The following TAS2R1 variants were observed in gnomAD, a reference collection of about 807,000 sequenced individuals.
TAS2R1 encodes the protein taste receptor type 2 member 1.
For synonymous variants in TAS2R1, 141 were observed against 134.2 expected, an observed-to-expected ratio of 1.05 and a Z score of -0.35; for missense variants, 370 against 353.4, an observed-to-expected ratio of 1.05 and a Z score of -0.38.
At chr5:9,701,221 GACACAC>G (rs34248017) in intron 1 of TAS2R1, among the ~76,000 whole-genome samples, 10,486 of 135,680 alleles carry the variant, frequency 0.077, 325 homozygotes, top group South Asian at 0.093. Flanking sequence ...CAGACACGCA[GACACAC>G]ACACACACAC....
At chr5:9,728,245 A>G in the TAS2R1 span, among the ~76,000 whole-genome samples, 1 of 152,268 alleles carries the variant, frequency 6.6e-6, no homozygotes, top group Non-Finnish European at 1.5e-5. Context: ...ACTTATCTAC[A>G]TTATCTACAA....
the TAS2R1 span, among the ~76,000 whole-genome samples, chr5:9,785,430 T>C: frequency 6.6e-6 from 1 of 152,266 alleles, no homozygotes; most frequent in Admixed American, 6.5e-5. Flanking sequence ...GATTGTATTA[T>C]GTATTCTGCA....
At chr5:9,722,707 C>A in the TAS2R1 span, among the ~76,000 whole-genome samples, 1 of 152,242 alleles carries the variant, frequency 6.6e-6, no homozygotes, top group Non-Finnish European at 1.5e-5. Context: ...ATCCCTCACA[C>A]AGCCATCTCA....
the TAS2R1 span, among the ~76,000 whole-genome samples, chr5:9,859,206 TA>T: frequency 6.6e-6 from 1 of 152,220 alleles, no homozygotes; most frequent in Non-Finnish European, 1.5e-5. Flanking sequence ...CCCCAAAATA[TA>T]CCTCCAATAT....
intron 1 of TAS2R1, among the ~76,000 whole-genome samples, chr5:9,692,529 G>A (rs200401260): frequency 6.6e-6 from 1 of 152,256 alleles, no homozygotes; most frequent in Admixed American, 6.5e-5. Flanking sequence ...CTGTTAAGAT[G>A]TTCATCCCAA....
chr5:9,867,632 T>C, the TAS2R1 span, among the ~76,000 whole-genome samples: 2 of 152,246 alleles, frequency 1.3e-5, no homozygotes, highest in South Asian at 4.2e-4. Context: ...AGCCAAACCA[T>C]ATGATTCTGT....
chr5:9,843,491 C>A, the TAS2R1 span, among the ~76,000 whole-genome samples: 3 of 152,166 alleles, frequency 2.0e-5, no homozygotes, highest in Non-Finnish European at 4.4e-5. Flanking sequence ...TTAATCTGTT[C>A]TCTATAAGCA....
chr5:9,858,664 G>T, the TAS2R1 span, among the ~76,000 whole-genome samples: 5 of 152,182 alleles, frequency 3.3e-5, no homozygotes, highest in Non-Finnish European at 7.4e-5. Context: ...TTAACAAAAT[G>T]TCAGAACAAA....
chr5:9,764,525 C>T, the TAS2R1 span, among the ~76,000 whole-genome samples: 1 of 152,216 alleles, frequency 6.6e-6, no homozygotes, highest in African/African-American at 2.4e-5. Flanking sequence ...AGTCAGCTTA[C>T]AGCTCGGATC....
the TAS2R1 span, among the ~76,000 whole-genome samples, chr5:9,771,263 A>G: frequency 6.6e-6 from 1 of 152,034 alleles, no homozygotes. Flanking sequence ...TTTCAGCATC[A>G]GTTGAAATGA....
chr5:9,893,180 T>C, the TAS2R1 span, among the ~76,000 whole-genome samples: 6 of 151,582 alleles, frequency 4.0e-5, no homozygotes, highest in African/African-American at 1.5e-4. Context: ...CCCCTACAAA[T>C]ATCTGGGTGA....
chr5:9,815,897 C>T, the TAS2R1 span, among the ~76,000 whole-genome samples: 96 of 152,254 alleles, frequency 6.3e-4, no homozygotes, highest in African/African-American at 2.1e-3. Context: ...GAAGTGGTCA[C>T]CCTCTTAGGG....
At chr5:9,723,299 A>G in the TAS2R1 span, among the ~76,000 whole-genome samples, 1 of 152,290 alleles carries the variant, frequency 6.6e-6, no homozygotes, top group Non-Finnish European at 1.5e-5. Context: ...CTACCACTTC[A>G]TTATCGTGGG....
At chr5:9,718,125 A>G in the TAS2R1 span, among the ~76,000 whole-genome samples, 1 of 138,804 alleles carries the variant, frequency 7.2e-6, no homozygotes, top group Non-Finnish European at 1.6e-5. Context: ...ATGCCCAGCA[A>G]TTTTTTTTTT....
chr5:9,747,691 G>A, the TAS2R1 span, among the ~76,000 whole-genome samples: 2 of 152,096 alleles, frequency 1.3e-5, no homozygotes, highest in African/African-American at 4.8e-5. Context: ...GCAGCATAAG[G>A]GACAAATATT....
chr5:9,861,037 G>GGTTTTTTTTTTTTTTT, the TAS2R1 span, among the ~76,000 whole-genome samples: 2 of 88,610 alleles, frequency 2.3e-5, no homozygotes, highest in African/African-American at 8.5e-5. Flanking sequence ...GGAAGATGAG[G>GGTTTTTTTTTTTTTTT]TTTTTTTTTT....
the TAS2R1 span, among the ~76,000 whole-genome samples, chr5:9,729,575 C>CTTTT: frequency 6.6e-6 from 1 of 151,564 alleles, no homozygotes; most frequent in African/African-American, 2.4e-5. Context: ...CCAAAAGACC[C>CTTTT]TTTTTTTTAA....
At chr5:9,713,785 G>A (rs1011318828), upstream of TAS2R1, 4 of 152,130 alleles carry the variant, frequency 2.6e-5, no homozygotes, top group African/African-American at 9.7e-5. Flanking sequence ...GATCACTTAC[G>A]ATCTTTCTGG....
At chr5:9,843,006 C>T in the TAS2R1 span, among the ~76,000 whole-genome samples, 4 of 152,036 alleles carry the variant, frequency 2.6e-5, no homozygotes, top group Admixed American at 6.5e-5. Context: ...CTGTTCTGCC[C>T]ATCTTGGACA....
Sources: allele counts gnomAD v4.1 joint callset (sites outside exome capture counted in the v4.1 genomes callset), GRCh38; gene constraint gnomAD v4.1.1; transcripts MANE v1.5; gene names NCBI Gene and HGNC (gene_info 2026-07-23, HGNC 2026-07-21).